The following AGBL3 variants were observed in gnomAD, a reference collection of about 807,000 sequenced individuals.
AGBL3 encodes cytosolic carboxypeptidase 3.
A neutral mutation model predicts 94.5 loss-of-function variants in AGBL3; 68 were observed. The observed-to-expected ratio is 0.72, with a 90% CI of 0.59 to 0.88. The LOEUF is 0.88. Ranked by LOEUF, AGBL3 falls within the 40% of genes least tolerant of loss-of-function variation. The probability of loss-of-function intolerance (pLI) is 0.00; values close to 1 mark genes in which losing one functional copy is unlikely to be tolerated. For synonymous variants in AGBL3, 354 were observed against 370.7 expected, an observed-to-expected ratio of 0.95 and a Z score of 0.52; for missense variants, 934 against 1,103.8, an observed-to-expected ratio of 0.85 and a Z score of 2.18.
intron 15 of AGBL3, among the ~76,000 whole-genome samples, chr7:135,097,600 T>C (rs11771999): frequency 0.48 from 73,683 of 151,936 alleles, 18,237 homozygotes; most frequent in South Asian, 0.66. Flanking sequence ...GTCTTCCATA[T>C]GTTGTACTGT....
At chr7:135,012,999 A>G (rs1813347786) in intron 4 of AGBL3, among the ~76,000 whole-genome samples, 1 of 152,188 alleles carries the variant, frequency 6.6e-6, no homozygotes, top group African/African-American at 2.4e-5. Context: ...TGAAAAGGAA[A>G]GCCACAGTCT....
chr7:135,014,416 C>G (rs922927929), intron 4 of AGBL3, among the ~76,000 whole-genome samples: 1 of 151,886 alleles, frequency 6.6e-6, no homozygotes, highest in African/African-American at 2.4e-5. Flanking sequence ...CTGGATATCC[C>G]TTTTATAAGA....
In AGBL3 at chr7:135,094,528, A is replaced by G. The variant is rs894229092; in HGVS notation, c.2110+12738A>G. 21 of 456,680 alleles carry G rather than the reference A, an allele frequency of 4.6e-5. No individual in the cohort carries two copies. In the Admixed American group the frequency reaches 4.7e-4, roughly 10 times the overall value. The allele number at this position is 456,680 out of a possible 1,614,324, so 28.3% of individuals were successfully genotyped here. A position where few individuals can be genotyped will look rare whatever the true frequency, so the allele number is the denominator to read the frequency against. Reference sequence around the variant, plus strand: ...CTGGAGCTTCATTTTTGTGGACTTTATCTTCAGGAATCCCACCAGGTTCTC... The same window carrying G: ...CTGGAGCTTCATTTTTGTGGACTTTGTCTTCAGGAATCCCACCAGGTTCTC... On this transcript the variant is annotated intron_variant, in intron 15 of 16. Transcript: ENST00000436302.
At chr7:135,012,214 T>G (rs1813249557) in intron 4 of AGBL3, 1 of 152,182 alleles carries the variant, frequency 6.6e-6, no homozygotes, top group Non-Finnish European at 1.5e-5. Context: ...AGCAATAGTT[T>G]TATTTACACT....
chr7:135,135,006 C>A lies in AGBL3; in HGVS notation c.2508C>A (p.Pro836=). 1 of 1,551,064 alleles carries A rather than the reference C, an allele frequency of 6.4e-7. No individual in the cohort carries two copies. Among genetic ancestry groups the A allele is most frequent in the South Asian group, 1.2e-5 (1 of 84,038 alleles). ...SLESLSPLKG[P]KKNKHSQIWA... is the part of the protein sequence containing the mutation. The stretch of plus-strand genomic sequence containing the variant: ...AAAGTTTATCACCTCTCAAAGGCCC[C>A]AAGAAGAATAAACATTCTCAAATCT... The change falls in exon 17 of 17, where the codon CCC becomes CCA. Residue 836 remains proline, a synonymous_variant. Coordinates refer to ENST00000436302, the MANE Select transcript of AGBL3 (RefSeq NM_178563.4).
chr7:135,061,376 G>T (rs1470511454), intron 12 of AGBL3, among the ~76,000 whole-genome samples: 1 of 151,984 alleles, frequency 6.6e-6, no homozygotes, highest in Admixed American at 6.6e-5. Context: ...CTGTACAAAG[G>T]CTTTTTAGTT....
intron 4 of AGBL3, among the ~76,000 whole-genome samples, chr7:135,016,286 G>C (rs1445080604): frequency 6.6e-6 from 1 of 152,014 alleles, no homozygotes; most frequent in African/African-American, 2.4e-5. Context: ...ATACACATTT[G>C]CATCAATATG....
At chr7:135,100,057 T>C (rs906676264) in intron 15 of AGBL3, 1 of 151,974 alleles carries the variant, frequency 6.6e-6, no homozygotes, top group Non-Finnish European at 1.5e-5. Flanking sequence ...CTGGCTAATT[T>C]TTGTATTTTT....
intron 15 of AGBL3, chr7:135,094,646 G>T (rs987448613): frequency 1.3e-4 from 55 of 411,440 alleles, no homozygotes; most frequent in African/African-American, 1.1e-3. Flanking sequence ...CGTAACAAGG[G>T]CCTACTCTCT....
At chr7:134,999,054 T>C (rs1435174623) in intron 4 of AGBL3, among the ~76,000 whole-genome samples, 2 of 152,196 alleles carry the variant, frequency 1.3e-5, no homozygotes, top group African/African-American at 2.4e-5. Context: ...TCAATTACCT[T>C]TTCCAATTCT....
At chr7:135,013,279 A>G (rs1165929310) in intron 4 of AGBL3, among the ~76,000 whole-genome samples, 1 of 152,224 alleles carries the variant, frequency 6.6e-6, no homozygotes, top group African/African-American at 2.4e-5. Context: ...AAGTAGAGCA[A>G]CTGGAACTCT....
At chr7:134,994,082 AGGGCATGAC>A (rs1170412629) in intron 4 of AGBL3, among the ~76,000 whole-genome samples, 9 of 152,214 alleles carry the variant, frequency 5.9e-5, no homozygotes, top group Non-Finnish European at 4.4e-5. Flanking sequence ...ACAATTCCAA[AGGGCATGAC>A]GGTGTCCCAG....
rs545614592 is a variant in AGBL3, at chr7:135,126,103, G to T, written c.2343-8738G>T. 5.9e-5 allele frequency among the ~76,000 whole-genome samples: 9 copies of T among 152,128 alleles called. No individual in the cohort carries two copies. In the South Asian group the frequency reaches 1.7e-3, roughly 28 times the overall value. On this transcript the variant is annotated intron_variant, in intron 16 of 16. Transcript: ENST00000436302. ...CAAACAGGAAGAGAGGAAGTCAAAT[G>T]GTCTCTGTTTGCAGATGACATGATT...
At chr7:135,112,441 T>C (rs1343147727) in intron 15 of AGBL3, among the ~76,000 whole-genome samples, 1 of 152,234 alleles carries the variant, frequency 6.6e-6, no homozygotes, top group Non-Finnish European at 1.5e-5. Flanking sequence ...CATGTCTTCA[T>C]ACCTACCTGA....
At chr7:135,067,188 G>T (rs1819408054) in intron 12 of AGBL3, among the ~76,000 whole-genome samples, 1 of 152,246 alleles carries the variant, frequency 6.6e-6, no homozygotes, top group East Asian at 1.9e-4. Context: ...AAGGCTGGGG[G>T]ACGGGCACCC....
intron 15 of AGBL3, among the ~76,000 whole-genome samples, chr7:135,085,220 A>T (rs1182943358): frequency 2.6e-5 from 4 of 151,936 alleles, no homozygotes; most frequent in Non-Finnish European, 4.4e-5. Context: ...TTTGCTATTG[A>T]GGTAATTCCC....
chr7:135,082,755 C>T (rs930023314), intron 15 of AGBL3, among the ~76,000 whole-genome samples: 17 of 151,856 alleles, frequency 1.1e-4, no homozygotes, highest in South Asian at 2.1e-4. Context: ...TAAATTTAAC[C>T]TTCTTAGGTT....
At chr7:135,132,305 A>C (rs188291292) in intron 16 of AGBL3, among the ~76,000 whole-genome samples, 16 of 152,344 alleles carry the variant, frequency 1.1e-4, no homozygotes, top group African/African-American at 3.4e-4. Context: ...AAATAAAAAG[A>C]ATTATACACC....
chr7:135,133,641 G>C (rs1829093143), intron 16 of AGBL3, among the ~76,000 whole-genome samples: 1 of 152,086 alleles, frequency 6.6e-6, no homozygotes, highest in Non-Finnish European at 1.5e-5. Flanking sequence ...CACTGATTTT[G>C]ATAGGGAATT....
Sources: gnomAD v4.1 joint callset for allele counts (sites outside exome capture counted in the v4.1 genomes callset) on GRCh38, gnomAD v4.1.1 for gene constraint, MANE v1.5 for transcripts, NCBI Gene and HGNC (gene_info 2026-07-23, HGNC 2026-07-21) for gene names.